IQCK: variants seen among roughly 807,000 people sequenced by gnomAD.
IQCK encodes IQ domain-containing protein K.
A neutral mutation model predicts 28.1 loss-of-function variants in IQCK; 29 were observed. That is an observed-to-expected ratio of 1.03 (90% confidence interval 0.77 to 1.41). IQCK has a LOEUF of 1.41. IQCK is among the 40% of genes most tolerant of loss of function. The pLI, the probability that IQCK is intolerant of heterozygous loss-of-function variation, is 0.00. For synonymous variants in IQCK, 113 were observed against 115.1 expected (o/e 0.98, Z 0.12); for missense variants, 359 against 314.7 (o/e 1.14, Z -1.07).
intron 4 of IQCK, among the ~76,000 whole-genome samples, chr16:19,753,570 G>T (rs1212163709): frequency 6.6e-6 from 1 of 152,134 alleles, no homozygotes; most frequent in African/African-American, 2.4e-5. Context: ...GGAACTCAGG[G>T]TGCTGTTACC....
intron 4 of IQCK, among the ~76,000 whole-genome samples, chr16:19,754,930 G>A (rs1024366644): frequency 2.0e-5 from 3 of 152,140 alleles, no homozygotes; most frequent in African/African-American, 7.2e-5. Context: ...TGACCCTGTG[G>A]CCTGGGCTGG....
At chr16:19,764,586 C>G (rs1012823493) in intron 6 of IQCK, among the ~76,000 whole-genome samples, 1 of 152,116 alleles carries the variant, frequency 6.6e-6, no homozygotes, top group Non-Finnish European at 1.5e-5. Context: ...GAAGTAATCA[C>G]TTCAGTCTAC....
chr16:19,856,411 G>A (rs991715151), intron 9 of IQCK, 76 bp from the exon 9 acceptor site: 27 of 1,241,904 alleles, frequency 2.2e-5, no homozygotes, highest in Non-Finnish European at 3.1e-5. Flanking sequence ...CCACACATCA[G>A]AGTTTCCGGT....
chr16:19,733,886 G>A (rs935219021), intron 3 of IQCK, 59 bp downstream of exon 3: 6 of 1,587,976 alleles, frequency 3.8e-6, no homozygotes, highest in Non-Finnish European at 5.2e-6. Context: ...CAGAACCACA[G>A]GGTGGGTATG....
chr16:19,734,474 A>AG (rs1977944518), intron 3 of IQCK, among the ~76,000 whole-genome samples: 1 of 148,928 alleles, frequency 6.7e-6, no homozygotes, highest in African/African-American at 2.5e-5. Context: ...AAAAAAAAAA[A>AG]AAAAATTATC....
rs2055193497 is a variant in IQCK at position 19,764,124 on chromosome 16, A to G, written c.605+12A>G. 5.0e-6 allele frequency: 8 copies of G among 1,595,246 alleles called. No individual in the cohort carries two copies. Among genetic ancestry groups the G allele is most frequent in the Non-Finnish European group, 6.9e-6 (8 of 1,164,510 alleles). On this transcript the variant is annotated intron_variant, in intron 6 of 7. Transcript: ENST00000564186. Reference sequence around the variant, plus strand: ...CGGCTAAAGCAACAGTGAGTATGACACAAGGCTTTGAATAATTTATTCCTA... The same window carrying G: ...CGGCTAAAGCAACAGTGAGTATGACGCAAGGCTTTGAATAATTTATTCCTA...
intron 7 of IQCK, among the ~76,000 whole-genome samples, chr16:19,822,096 CA>C (rs1225665843): frequency 5.9e-4 from 69 of 117,002 alleles, no homozygotes; most frequent in Admixed American, 7.7e-4. Context: ...AAAAAAAAAA[CA>C]AAAAAAAACG....
rs1231195393 is a variant in IQCK, at chr16:19,752,832, G to A, written c.475-11016G>A. ...ACTTGCCTCAGCCTCCCAAAGTGTT[G>A]CGATTACAGGTATGAGCCATCGTGC... On this transcript the variant is annotated intron_variant, in intron 4 of 7. Transcript: ENST00000564186. Among the ~76,000 whole-genome samples, 3 of 152,266 alleles carry A rather than the reference G, an allele frequency of 2.0e-5. No homozygotes were observed. In the East Asian group the frequency reaches 5.8e-4, roughly 29 times the overall value.
At chr16:19,775,598 C>T (rs954118455) in intron 6 of IQCK, among the ~76,000 whole-genome samples, 1 of 152,154 alleles carries the variant, frequency 6.6e-6, no homozygotes, top group Non-Finnish European at 1.5e-5. Flanking sequence ...ACCAAAATAC[C>T]AGTGGCTTAA....
At chr16:19,763,867 T>C in exon 5 of IQCK, 1 of 1,613,756 alleles carries the variant, frequency 6.2e-7, no homozygotes, top group Non-Finnish European at 8.5e-7. Context: ...ACCAAATTCA[T>C]TGCCTGTGAT....
chr16:19,746,234 T>C (rs2054911111), intron 4 of IQCK, among the ~76,000 whole-genome samples: 1 of 151,624 alleles, frequency 6.6e-6, no homozygotes. Flanking sequence ...CGTAGATATA[T>C]ATATTTATTG....
chr16:19,746,201 T>C (rs1382610567), intron 4 of IQCK, among the ~76,000 whole-genome samples: 1 of 143,556 alleles, frequency 7.0e-6, no homozygotes, highest in East Asian at 2.0e-4. Context: ...TTTTTTTTTT[T>C]CTTTTAATTT....
chr16:19,722,687 C>A (rs1484340288), intron 1 of IQCK, among the ~76,000 whole-genome samples: 1 of 151,942 alleles, frequency 6.6e-6, no homozygotes, highest in Non-Finnish European at 1.5e-5. Context: ...ATGTTACCAT[C>A]GTTCACTCAG....
At chr16:19,752,784 G>A (rs551471315) in intron 4 of IQCK, among the ~76,000 whole-genome samples, 33 of 152,170 alleles carry the variant, frequency 2.2e-4, no homozygotes, top group African/African-American at 7.7e-4. Context: ...GGCTGGTCTC[G>A]AATTTCTCAG....
At chr16:19,765,307 G>C (rs1380049673) in intron 6 of IQCK, among the ~76,000 whole-genome samples, 2 of 151,620 alleles carry the variant, frequency 1.3e-5, no homozygotes, top group Admixed American at 1.3e-4. Flanking sequence ...GGAGGCCGAG[G>C]TGGGCAGATC....
chr16:19,773,950 G>A, intron 6 of IQCK, among the ~76,000 whole-genome samples: 1 of 152,156 alleles, frequency 6.6e-6, no homozygotes, highest in East Asian at 1.9e-4. Context: ...TGACCCAGAG[G>A]GATGGTAGGG....
intron 9 of IQCK, among the ~76,000 whole-genome samples, chr16:19,852,033 G>T (rs889887851): frequency 1.3e-5 from 2 of 152,128 alleles, no homozygotes; most frequent in African/African-American, 4.8e-5. Flanking sequence ...GCTCCTCGGG[G>T]TGTTACTTCT....
chr16:19,747,310 C>T (rs2054923989), intron 4 of IQCK, among the ~76,000 whole-genome samples: 1 of 152,052 alleles, frequency 6.6e-6, no homozygotes, highest in Non-Finnish European at 1.5e-5. Context: ...CTCTCATCCT[C>T]TATCAGATTA....
chr16:19,760,285 T>C (rs2055118675), intron 4 of IQCK, among the ~76,000 whole-genome samples: 1 of 152,202 alleles, frequency 6.6e-6, no homozygotes, highest in South Asian at 2.1e-4. Flanking sequence ...TAATGCAAAC[T>C]GGCTTAAGTG....
Sources: gnomAD v4.1 joint callset for allele counts (sites outside exome capture counted in the v4.1 genomes callset) on GRCh38, gnomAD v4.1.1 for gene constraint, MANE v1.5 for transcripts, NCBI Gene and HGNC (gene_info 2026-07-23, HGNC 2026-07-21) for gene names.